GPHN: variants seen among roughly 807,000 people sequenced by gnomAD.
GPHN encodes the protein gephyrin.
Under a neutral mutation model 95.5 loss-of-function variants are expected in GPHN, and 17 were observed. The observed-to-expected ratio is 0.18, with a 90% CI of 0.12 to 0.27. The LOEUF is 0.27. GPHN is among the 10% of genes least tolerant of loss of function. The pLI is 1.00. For synonymous variants in GPHN, 320 were observed against 322.5 expected (o/e 0.99, Z 0.08); for missense variants, 660 against 978.1 (o/e 0.67, Z 4.34).
the GPHN span, among the ~76,000 whole-genome samples, chr14:67,619,049 CT>C: frequency 6.6e-6 from 1 of 152,164 alleles, no homozygotes; most frequent in Non-Finnish European, 1.5e-5. Flanking sequence ...AGCTCTGCCA[CT>C]TACAAGCTAT....
the GPHN span, among the ~76,000 whole-genome samples, chr14:67,673,086 G>A: frequency 1.3e-5 from 2 of 152,092 alleles, no homozygotes; most frequent in Non-Finnish European, 2.9e-5. Context: ...TTTCACAACC[G>A]CCCTATTTAA....
rs868000257 is a variant in GPHN, at chr14:66,932,480, T to C, written c.828+8188T>C. Among the ~76,000 whole-genome samples, 70 of 141,632 alleles carry C rather than the reference T, an allele frequency of 4.9e-4. 1 individual carries two copies. In the South Asian group the frequency reaches 0.016, roughly 32 times the overall value. The allele number at this position is 141,632 out of a possible 152,430, so 92.9% of individuals were successfully genotyped here. Reference sequence around the variant, plus strand: ...TTTTTTTTTTTTTTTTTTTTTTTTTTCAGTGCAGCAGGTCCCCTTCTGGCC... The same window carrying C: ...TTTTTTTTTTTTTTTTTTTTTTTTTCCAGTGCAGCAGGTCCCCTTCTGGCC... On this transcript the variant is annotated intron_variant, in intron 8 of 22. Transcript: ENST00000478722.
chr14:67,022,998 G>T (rs2073738277), intron 9 of GPHN, among the ~76,000 whole-genome samples: 1 of 151,780 alleles, frequency 6.6e-6, no homozygotes, highest in Admixed American at 6.6e-5. Flanking sequence ...CTAAGAACTG[G>T]TAAATAAATT....
the GPHN span, among the ~76,000 whole-genome samples, chr14:67,617,650 A>C: frequency 6.6e-6 from 1 of 152,254 alleles, no homozygotes; most frequent in African/African-American, 2.4e-5. Context: ...ATGCAGGATT[A>C]AAGTAGCACT....
At chr14:66,646,480 A>G (rs942793947) in intron 1 of GPHN, among the ~76,000 whole-genome samples, 3 of 152,172 alleles carry the variant, frequency 2.0e-5, no homozygotes, top group Non-Finnish European at 1.5e-5. Context: ...TAGGGTCTCA[A>G]AGAGATACTG....
intron 3 of GPHN, among the ~76,000 whole-genome samples, chr14:66,814,654 A>T (rs1049146132): frequency 6.6e-6 from 1 of 152,238 alleles, no homozygotes; most frequent in Non-Finnish European, 1.5e-5. Flanking sequence ...AAAGAAAAAA[A>T]ATCCAAAGGT....
chr14:66,539,363 T>TAGA (rs1363088870), intron 1 of GPHN, among the ~76,000 whole-genome samples: 2 of 151,992 alleles, frequency 1.3e-5, no homozygotes, highest in African/African-American at 4.8e-5. Flanking sequence ...TGGGGCTTTC[T>TAGA]AGTTTTCAGA....
At chr14:67,644,062 C>T in the GPHN span, among the ~76,000 whole-genome samples, 2 of 152,122 alleles carry the variant, frequency 1.3e-5, no homozygotes, top group East Asian at 3.8e-4. Context: ...GACCACTGAT[C>T]AATGTGATTA....
At position 66,944,888 on chromosome 14, in the gene GPHN, G is replaced by A. The variant is rs183516188; in HGVS notation, c.829-20303G>A. Among the ~76,000 whole-genome samples the A allele has an allele frequency of 2.0e-5, 3 of 152,356 alleles. No individual in the cohort carries two copies. In the East Asian group the frequency reaches 5.8e-4, roughly 29 times the overall value. On this transcript the variant is annotated intron_variant, in intron 8 of 22. Transcript: ENST00000478722. ...CCCTTGGGCCATGCATCCCAGCCCT[G>A]GCAGGGAGAGGAGTGCAGGAGCTGC...
chr14:66,709,414 A>G (rs1210667296), intron 2 of GPHN: 1 of 455,820 alleles, frequency 2.2e-6, no homozygotes, highest in African/African-American at 2.0e-5. Flanking sequence ...ACTGAACCCA[A>G]GTACTGCGAT....
chr14:67,356,199 A>T, the GPHN span, among the ~76,000 whole-genome samples: 1 of 152,002 alleles, frequency 6.6e-6, no homozygotes, highest in Admixed American at 6.6e-5. Flanking sequence ...GCAGGTGGAT[A>T]ACTTGAGGTC....
At chr14:67,279,177 A>C in the GPHN span, 1 of 1,586,662 alleles carries the variant, frequency 6.3e-7, no homozygotes, top group Non-Finnish European at 8.6e-7. Context: ...AACCATGACA[A>C]CATCCCATAT....
chr14:67,359,804 T>C, the GPHN span: 1,028 of 1,341,620 alleles, frequency 7.7e-4, no homozygotes, highest in Non-Finnish European at 1.0e-3. Context: ...CAGCTGGTTG[T>C]GTCACTTGAC....
chr14:66,933,675 A>G (rs1180723597), intron 8 of GPHN, among the ~76,000 whole-genome samples: 2 of 152,240 alleles, frequency 1.3e-5, no homozygotes, highest in Non-Finnish European at 2.9e-5. Flanking sequence ...ATTATCCTGT[A>G]TCTCACAACA....
the GPHN span, chr14:67,714,535 A>T: frequency 1.9e-5 from 3 of 158,012 alleles, no homozygotes; most frequent in Non-Finnish European, 4.2e-5. Flanking sequence ...TCTTCCAGTT[A>T]TTCTCCAAAA....
rs1000210967 is a variant in GPHN at position 66,977,515 on chromosome 14, A to G, written c.963+12190A>G. ...ATTATTAAAGAGGCCATCTCAAACTATGTACAGGAATTTTTATCACAGCAT... is the reference window on the plus strand; with the variant it reads ...ATTATTAAAGAGGCCATCTCAAACTGTGTACAGGAATTTTTATCACAGCAT... On this transcript the variant is annotated intron_variant, in intron 9 of 22. Transcript: ENST00000478722. Among the ~76,000 whole-genome samples the G allele has an allele frequency of 3.9e-5, 6 of 152,162 alleles. 1 individual carries two copies. The highest frequency in any genetic ancestry group is 7.2e-5 in the African/African-American group (3 of 41,452).
chr14:67,246,870 T>G, the GPHN span, among the ~76,000 whole-genome samples: 1 of 152,162 alleles, frequency 6.6e-6, no homozygotes, highest in Non-Finnish European at 1.5e-5. Context: ...CAGGATGGTC[T>G]TGATCTCCTG....
At position 66,923,415 on chromosome 14, in the gene GPHN, A is replaced by G. The variant is rs8021827; in HGVS notation, c.729+477A>G. 3.9e-3 allele frequency among the ~76,000 whole-genome samples: 590 copies of G among 152,320 alleles called. 5 individuals carry two copies. The highest frequency in any genetic ancestry group is 0.014 in the African/African-American group (567 of 41,568). Reference sequence around the variant, plus strand: ...GCGATTGTTGAATTTTTCTTAACTAATAACTTATTCAAACATTGCTTGACA... The same window carrying G: ...GCGATTGTTGAATTTTTCTTAACTAGTAACTTATTCAAACATTGCTTGACA... On this transcript the variant is annotated intron_variant, in intron 7 of 22. Transcript: ENST00000478722.
the GPHN span, among the ~76,000 whole-genome samples, chr14:67,431,946 ATCTT>A: frequency 6.6e-6 from 1 of 152,182 alleles, no homozygotes; most frequent in African/African-American, 2.4e-5. Flanking sequence ...AAAAGCAAAC[ATCTT>A]TATTTAATGT....
Sources: gnomAD v4.1 joint callset for allele counts (sites outside exome capture counted in the v4.1 genomes callset) on GRCh38, gnomAD v4.1.1 for gene constraint, MANE v1.5 for transcripts, NCBI Gene and HGNC (gene_info 2026-07-23, HGNC 2026-07-21) for gene names.